PDS5B: variants seen among roughly 807,000 people sequenced by gnomAD.
PDS5B encodes sister chromatid cohesion protein PDS5 homolog B.
In PDS5B, 51 loss-of-function variants were observed where a neutral mutation model predicts 184.1. The ratio of observed to expected loss-of-function variants is 0.28; its 90% confidence interval spans 0.22 to 0.35. The LOEUF is 0.35. Among genes scored for constraint, PDS5B ranks in the 10% least tolerant of loss-of-function variants. PDS5B has a pLI of 1.00. For missense variants in PDS5B, 1,180 were observed against 1,723.3 expected (o/e 0.68, Z 5.58); for synonymous variants, 566 against 569.2 (o/e 0.99, Z 0.08).
At chr13:32,671,673 C>G (rs1186924025) in intron 7 of PDS5B, among the ~76,000 whole-genome samples, 9 of 152,118 alleles carry the variant, frequency 5.9e-5, no homozygotes, top group Non-Finnish European at 1.3e-4. Flanking sequence ...TGGTCTGATT[C>G]ATAGACCTAA....
At chr13:32,671,567 T>C (rs1044794692) in intron 7 of PDS5B, among the ~76,000 whole-genome samples, 6 of 152,084 alleles carry the variant, frequency 3.9e-5, no homozygotes, top group African/African-American at 1.4e-4. Context: ...TCCCATAAAA[T>C]TGATAAATAG....
intron 2 of PDS5B, chr13:32,650,087 A>G (rs1950329972): frequency 6.6e-6 from 1 of 152,166 alleles, no homozygotes; most frequent in Admixed American, 6.5e-5. Flanking sequence ...AGTGTCTTTT[A>G]GAGATGTTAT....
intron 27 of PDS5B, 98 bp from the exon 28 acceptor site, chr13:32,758,436 G>A (rs2141010302): frequency 2.5e-6 from 3 of 1,204,998 alleles, no homozygotes; most frequent in Non-Finnish European, 3.5e-6. Flanking sequence ...TCATTAGTTT[G>A]CTATTCAGAC....
chr13:32,727,346 C>T lies in PDS5B; in HGVS notation c.2124-4755C>T, dbSNP rs577676952. 5.3e-5 allele frequency among the ~76,000 whole-genome samples: 8 copies of T among 152,106 alleles called. 1 individual carries two copies. The South Asian group carries it at 8.3e-4, about 16-fold the overall frequency. On this transcript the variant is annotated intron_variant, in intron 19 of 34. Transcript: ENST00000315596. The stretch of plus-strand genomic sequence containing the variant: ...TTGATATTTTTACTCTAGTGTATCT[C>T]GAATTAATAATGACAAATTTCTTTT...
At chr13:32,757,796 A>G (rs1424347742) in intron 26 of PDS5B, among the ~76,000 whole-genome samples, 1 of 152,184 alleles carries the variant, frequency 6.6e-6, no homozygotes, top group South Asian at 2.1e-4. Context: ...GAGGGTTAAG[A>G]TAACTTCATC....
chr13:32,593,089 C>T lies in PDS5B; in HGVS notation c.-20+6496C>T, dbSNP rs566217605. On this transcript the variant is annotated intron_variant, in intron 1 of 34. Coordinates refer to ENST00000315596, the MANE Select transcript of PDS5B (RefSeq NM_015032.4). ...GAACATTTTTGTCTTCTGTGAAAAACGCCAAACCAAATGTAAATGAGTAGA... is the reference window on the plus strand; with the variant it reads ...GAACATTTTTGTCTTCTGTGAAAAATGCCAAACCAAATGTAAATGAGTAGA... Among the ~76,000 whole-genome samples, 214 of 152,240 alleles carry T rather than the reference C, an allele frequency of 1.4e-3. 1 individual carries two copies. Among genetic ancestry groups the T allele is most frequent in the Middle Eastern group, 0.01 (3 of 294 alleles).
intron 6 of PDS5B, among the ~76,000 whole-genome samples, chr13:32,664,214 A>G (rs1340697387): frequency 6.6e-6 from 1 of 152,188 alleles, no homozygotes; most frequent in Non-Finnish European, 1.5e-5. Context: ...GACAAGACAT[A>G]CAATATAAGA....
chr13:32,617,715 C>T (rs2058239657), intron 1 of PDS5B, among the ~76,000 whole-genome samples: 1 of 152,142 alleles, frequency 6.6e-6, no homozygotes, highest in Non-Finnish European at 1.5e-5. Flanking sequence ...CAATGTGGTC[C>T]TAATTTGTAT....
intron 1 of PDS5B, among the ~76,000 whole-genome samples, chr13:32,599,305 C>T (rs556322964): frequency 6.6e-6 from 1 of 151,712 alleles, no homozygotes; most frequent in East Asian, 1.9e-4. Flanking sequence ...GTTTTGTCAC[C>T]CAGGCTGGAG....
chr13:32,750,697 A>T (rs1483800032), intron 24 of PDS5B, among the ~76,000 whole-genome samples: 1 of 152,044 alleles, frequency 6.6e-6, no homozygotes, highest in Non-Finnish European at 1.5e-5. Flanking sequence ...GCCTGCCACC[A>T]CACCTGGCTA....
chr13:32,604,694 A>G (rs1180782753), intron 1 of PDS5B, among the ~76,000 whole-genome samples: 1 of 152,104 alleles, frequency 6.6e-6, no homozygotes, highest in East Asian at 1.9e-4. Context: ...CTGTGAATCC[A>G]TCTGGTCCTG....
At chr13:32,724,677 T>A (rs1952838464) in intron 19 of PDS5B, among the ~76,000 whole-genome samples, 2 of 152,024 alleles carry the variant, frequency 1.3e-5, no homozygotes, top group African/African-American at 4.8e-5. Flanking sequence ...GACCTCCTGG[T>A]TCAAGCAATC....
Position 32,697,054 on chromosome 13 carries a change from G to A in PDS5B, c.1600+152G>A, listed in dbSNP as rs947318750. ...TTACATGAGCTAGAGCTGGAGAAAG[G>A]ATTTAGTACATAAATTTATTTTTAA... On this transcript the variant is annotated intron_variant, in intron 15 of 34. Transcript: ENST00000315596. 7.7e-6 allele frequency: 4 copies of A among 520,982 alleles called. No individual in the cohort carries two copies. The African/African-American group carries it at 8.0e-5, about 10-fold the overall frequency. 32.3% of individuals were successfully genotyped at this position (520,982 alleles called of 1,614,324 possible).
At chr13:32,735,358 C>T (rs750642753) in intron 21 of PDS5B, 28 bp downstream of exon 21, 15 of 1,530,924 alleles carry the variant, frequency 9.8e-6, no homozygotes, top group African/African-American at 1.4e-5. Flanking sequence ...GATTCATGTT[C>T]TTTGTAATGT....
chr13:32,620,837 T>C lies in PDS5B; in HGVS notation c.-19-27917T>C, dbSNP rs2140534902. On this transcript the variant is annotated intron_variant, in intron 1 of 34. Coordinates refer to ENST00000315596, the MANE Select transcript of PDS5B (RefSeq NM_015032.4). ...TAACAAATGGGTACTGATTTCTACA[T>C]TTGTTGACATAGTTTTCTTCTTTCT... Among the ~76,000 whole-genome samples, 2 of 152,346 alleles carry C rather than the reference T, an allele frequency of 1.3e-5. 1 individual carries two copies. Among genetic ancestry groups the C allele is most frequent in the South Asian group, 4.1e-4 (2 of 4,826 alleles).
At chr13:32,653,792 C>T (rs1014005863) in intron 3 of PDS5B, among the ~76,000 whole-genome samples, 4 of 152,148 alleles carry the variant, frequency 2.6e-5, no homozygotes, top group African/African-American at 7.2e-5. Flanking sequence ...AGGAATGATT[C>T]CATTTGTTTG....
intron 9 of PDS5B, among the ~76,000 whole-genome samples, chr13:32,676,474 AGTGTGTTTGT>A (rs1211462046): frequency 3.3e-5 from 5 of 152,056 alleles, no homozygotes; most frequent in Non-Finnish European, 7.4e-5. Context: ...CAGAATTTTG[AGTGTGTTTGT>A]GTATGTCACT....
intron 6 of PDS5B, 50 bp downstream of exon 6, chr13:32,659,330 G>T: frequency 7.2e-7 from 1 of 1,387,210 alleles, no homozygotes; most frequent in South Asian, 1.9e-5. Context: ...TAATATTAAG[G>T]CTTAAAATTT....
chr13:32,646,964 TGTTA>T (rs1171037379), intron 1 of PDS5B, among the ~76,000 whole-genome samples: 1 of 152,336 alleles, frequency 6.6e-6, no homozygotes, highest in East Asian at 1.9e-4. Flanking sequence ...AGAAGTCACC[TGTTA>T]GTTTAAATGC....
Sources: allele counts gnomAD v4.1 joint callset (sites outside exome capture counted in the v4.1 genomes callset), GRCh38; gene constraint gnomAD v4.1.1; transcripts MANE v1.5; gene names NCBI Gene and HGNC (gene_info 2026-07-23, HGNC 2026-07-21).